Variants in RIOK1 observed in about 807,000 individuals in gnomAD.
RIOK1 encodes RIO kinase 1.
RIOK1 carries 66 observed loss-of-function variants against 73.5 expected under a neutral mutation model. The observed-to-expected ratio is 0.90, with a 90% CI of 0.74 to 1.10. RIOK1 has a LOEUF of 1.10. Among genes scored for constraint, RIOK1 ranks in the 50% least tolerant of loss-of-function variants. RIOK1 has a pLI of 0.00. For missense variants in RIOK1, 658 were observed against 699.8 expected (o/e 0.94, Z 0.67); for synonymous variants, 224 against 226.8 (o/e 0.99, Z 0.11).
intron 2 of RIOK1, among the ~76,000 whole-genome samples, chr6:7,393,892 A>G (rs780978102): frequency 1.3e-5 from 2 of 152,214 alleles, no homozygotes; most frequent in Non-Finnish European, 2.9e-5. Context: ...TAAACCTGCT[A>G]TGGGACTGAT....
chr6:7,406,771 C>T, intron 12 of RIOK1, among the ~76,000 whole-genome samples: 1 of 152,082 alleles, frequency 6.6e-6, no homozygotes, highest in Non-Finnish European at 1.5e-5. Context: ...GCAATTCTAC[C>T]ACCCTGGCCT....
rs747935421 is a variant in RIOK1, at chr6:7,395,472, C to G, written c.367+329C>G. On this transcript the variant is annotated intron_variant, in intron 3 of 16. Transcript: ENST00000379834. ...AGGTTGTGATGAGCCGAGATTGTGCCGTTGCACTCCAACCTGGACAATAAG... is the reference window on the plus strand; with the variant it reads ...AGGTTGTGATGAGCCGAGATTGTGCGGTTGCACTCCAACCTGGACAATAAG... Among the ~76,000 whole-genome samples, 149 of 147,050 alleles carry G rather than the reference C, an allele frequency of 1.0e-3. 1 individual carries two copies. The highest frequency in any genetic ancestry group is 1.4e-3 in the Non-Finnish European group (91 of 67,388).
chr6:7,400,854 G>A lies in RIOK1; in HGVS notation c.481-104G>A. On this transcript the variant is annotated intron_variant, in intron 5 of 16. Transcript: ENST00000379834. ...GACTCTCATTTAGTCAACCAGGATA[G>A]CGTCGTACAGTTAAGCTCTGCTGTT... 3 of 663,288 alleles carry A rather than the reference G, an allele frequency of 4.5e-6. No homozygotes were observed. The South Asian group carries it at 5.4e-5, about 12-fold the overall frequency. 41.1% of individuals were successfully genotyped at this position (663,288 alleles called of 1,614,324 possible).
intron 12 of RIOK1, among the ~76,000 whole-genome samples, chr6:7,406,862 A>G (rs1761759103): frequency 6.6e-6 from 1 of 152,074 alleles, no homozygotes; most frequent in Non-Finnish European, 1.5e-5. Context: ...GGGTTTCACC[A>G]TGTTGGCCAG....
Position 7,401,712 on chromosome 6 carries a change from A to G in RIOK1, c.573+662A>G, listed in dbSNP as rs190616461. Among the ~76,000 whole-genome samples, 317 of 125,348 alleles carry G rather than the reference A, an allele frequency of 2.5e-3. 2 individuals carry two copies. The highest frequency in any genetic ancestry group is 9.1e-3 in the African/African-American group (302 of 33,006). 82.2% of individuals were successfully genotyped at this position (125,348 alleles called of 152,430 possible). A position where few individuals can be genotyped will look rare whatever the true frequency, so the allele number is the denominator to read the frequency against. The stretch of plus-strand genomic sequence containing the variant: ...GTCTTTTTTTTTTTTTTTTTTTGAG[A>G]CAGTCTCCCAGGCTAGAGTGTGGTG... On this transcript the variant is annotated intron_variant, in intron 6 of 16. Coordinates refer to ENST00000379834, the MANE Select transcript of RIOK1 (RefSeq NM_031480.3).
chr6:7,403,924 T>A lies in RIOK1; in HGVS notation c.768-17T>A. The A allele has an allele frequency of 6.3e-7, 1 of 1,582,018 alleles. No homozygotes were observed. Among genetic ancestry groups the A allele is most frequent in the Non-Finnish European group, 8.7e-7 (1 of 1,154,620 alleles). On this transcript the variant is annotated splice_polypyrimidine_tract_variant and intron_variant, in intron 8 of 16. Coordinates refer to ENST00000379834, the MANE Select transcript of RIOK1 (RefSeq NM_031480.3). Reference sequence around the variant, plus strand: ...TTCAACTTTTCAGTTGTCCTTTTATTTGTTATAATATCACAGGCTAAACAC... The same window carrying A: ...TTCAACTTTTCAGTTGTCCTTTTATATGTTATAATATCACAGGCTAAACAC...
intron 13 of RIOK1, 121 bp from the exon 14 acceptor site, chr6:7,411,211 A>G (rs574433308): frequency 9.5e-7 from 1 of 1,056,238 alleles, no homozygotes; most frequent in African/African-American, 1.6e-5. Flanking sequence ...AGCTTAGCCA[A>G]GCATCAGTGT....
rs1215510704 is a variant in RIOK1 at position 7,417,379 on chromosome 6, A to G, written c.1645A>G (p.Lys549Glu). ...AGCCCAGAGAGAGAAAAGAAAAAAC[A>G]AAATTCCTAAACATGTGAAAAAAAG... is the stretch of plus-strand genomic sequence containing the variant. ...KEAQREKRKN[K>E]IPKHVKKRKE... Residue 549 changes from lysine to glutamate, a missense_variant, in exon 17 of 17, where the codon AAA becomes GAA. By Grantham distance (56) the Lys-to-Glu change is moderately conservative. Transcript: ENST00000379834. The G allele has an allele frequency of 1.3e-6, 2 of 1,568,582 alleles. No homozygotes were observed. The highest frequency in any genetic ancestry group is 8.6e-7 in the Non-Finnish European group (1 of 1,157,006).
At position 7,404,902 on chromosome 6, in the gene RIOK1, T is replaced by C. The variant is rs1761706058; in HGVS notation, c.993-16T>C. 2 of 1,598,708 alleles carry C rather than the reference T, an allele frequency of 1.3e-6. No individual in the cohort carries two copies. Among genetic ancestry groups the C allele is most frequent in the Middle Eastern group, 1.7e-4 (1 of 6,026 alleles). ...AAGTAATACCATCCCACAGCTTCTG[T>C]GTCTCTGGCCCATAGGTACCACGGT... is the stretch of plus-strand genomic sequence containing the variant. On this transcript the variant is annotated splice_polypyrimidine_tract_variant and intron_variant, in intron 10 of 16. Coordinates refer to ENST00000379834, the MANE Select transcript of RIOK1 (RefSeq NM_031480.3).
intron 14 of RIOK1, among the ~76,000 whole-genome samples, chr6:7,412,038 C>T (rs1332159471): frequency 6.6e-6 from 1 of 152,144 alleles, no homozygotes; most frequent in Non-Finnish European, 1.5e-5. Flanking sequence ...TTGCTATCTT[C>T]AAATTGATTG....
chr6:7,392,413 CT>C (rs1177456558), intron 1 of RIOK1, among the ~76,000 whole-genome samples: 18 of 151,984 alleles, frequency 1.2e-4, no homozygotes, highest in African/African-American at 4.4e-4. Context: ...ATTTGGATTT[CT>C]TTGTGGAACA....
chr6:7,397,082 G>T (rs1761494467), intron 4 of RIOK1, among the ~76,000 whole-genome samples: 4 of 152,098 alleles, frequency 2.6e-5, no homozygotes, highest in African/African-American at 9.7e-5. Flanking sequence ...TGGCCAACAT[G>T]GTGAAACCAT....
chr6:7,413,024 T>C, intron 15 of RIOK1, 82 bp downstream of exon 15: 1 of 638,752 alleles, frequency 1.6e-6, no homozygotes, highest in South Asian at 2.4e-5. Flanking sequence ...TTTTTTATTA[T>C]TATTTAATAT....
At chr6:7,404,820 G>A in intron 10 of RIOK1, 98 bp from the exon 11 acceptor site, 1 of 1,085,136 alleles carries the variant, frequency 9.2e-7, no homozygotes, top group Non-Finnish European at 1.4e-6. Flanking sequence ...TGGTGATTTT[G>A]TGAGCTACTT....
chr6:7,403,324 A>G (rs982446882), intron 8 of RIOK1, among the ~76,000 whole-genome samples: 11 of 151,958 alleles, frequency 7.2e-5, no homozygotes, highest in Non-Finnish European at 1.5e-4. Flanking sequence ...TAGGTCGTGA[A>G]CTCTTTGTTT....
intron 10 of RIOK1, 107 bp from the exon 11 acceptor site, chr6:7,404,811 G>A (rs1222415752): frequency 2.5e-5 from 26 of 1,027,082 alleles, no homozygotes; most frequent in Non-Finnish European, 3.2e-5. Context: ...TATCTACCTT[G>A]GTGATTTTGT....
chr6:7,404,581 C>T (rs753361468), intron 10 of RIOK1, 26 bp downstream of exon 10: 17 of 1,606,800 alleles, frequency 1.1e-5, no homozygotes, highest in Non-Finnish European at 1.4e-5. Context: ...CTCTTAAGAA[C>T]TGCCTGTCAG....
At chr6:7,413,339 C>A (rs1761930559) in intron 15 of RIOK1, among the ~76,000 whole-genome samples, 1 of 152,166 alleles carries the variant, frequency 6.6e-6, no homozygotes, top group South Asian at 2.1e-4. Flanking sequence ...TGTTAAAGAA[C>A]AATCTCATGA....
chr6:7,401,103 G>A, intron 6 of RIOK1, 53 bp downstream of exon 6: 1 of 1,153,150 alleles, frequency 8.7e-7, no homozygotes, highest in East Asian at 2.3e-5. Context: ...TCAGATACCA[G>A]ATGAAACTGG....
Sources: gnomAD v4.1 joint callset for allele counts (sites outside exome capture counted in the v4.1 genomes callset) on GRCh38, gnomAD v4.1.1 for gene constraint, MANE v1.5 for transcripts, NCBI Gene and HGNC (gene_info 2026-07-23, HGNC 2026-07-21) for gene names.